Variants in ALK observed in about 807,000 individuals in gnomAD.
The protein encoded by ALK is ALK tyrosine kinase receptor.
A neutral mutation model predicts 163.1 loss-of-function variants in ALK; 74 were observed. The observed-to-expected ratio is 0.45, with a 90% confidence interval of 0.38 to 0.55. The LOEUF is 0.55. Among genes scored for constraint, ALK ranks in the 20% least tolerant of loss-of-function variants. The probability of loss-of-function intolerance (pLI) is 0.00; values close to 1 mark genes in which losing one functional copy is unlikely to be tolerated. For synonymous variants in ALK, 960 were observed against 843.2 expected, an observed-to-expected ratio of 1.14 and a Z score of -2.40; for missense variants, 2,063 against 2,105.3, an observed-to-expected ratio of 0.98 and a Z score of 0.39.
Position 29,227,489 on chromosome 2 carries a change from G to T in ALK, c.2914+85C>A, listed in dbSNP as rs1664040313. 8.4e-7 allele frequency: 1 copy of T among 1,195,434 alleles called. No individual in the cohort carries two copies. The highest frequency in any genetic ancestry group is 1.3e-6 in the Non-Finnish European group (1 of 798,266). 74.1% of individuals were successfully genotyped at this position (1,195,434 alleles called of 1,614,324 possible). On this transcript the variant is annotated intron_variant, in intron 17 of 28. Transcript: ENST00000389048. This position sits in a 1 kb window ranked among gnomAD's most constrained non-coding sequence, Gnocchi z 4.4. Reference sequence around the variant, plus strand: ...CCCATAATTGTGCCTCTGTATCCTGGATACAGGTCAGAGACTCTGAGGTTT... The same window carrying T: ...CCCATAATTGTGCCTCTGTATCCTGTATACAGGTCAGAGACTCTGAGGTTT...
intron 5 of ALK, among the ~76,000 whole-genome samples, chr2:29,367,942 T>C (rs1340994865): frequency 6.6e-6 from 1 of 152,264 alleles, no homozygotes; most frequent in African/African-American, 2.4e-5. Context: ...CTCAATTTCC[T>C]ACTCAGCTTT....
intron 3 of ALK, among the ~76,000 whole-genome samples, chr2:29,611,773 T>C (rs1227878075): frequency 6.6e-6 from 1 of 152,114 alleles, no homozygotes; most frequent in Non-Finnish European, 1.5e-5. Context: ...TCGCTCTATC[T>C]CTCTGTCTCC....
chr2:29,384,080 C>T (rs1046515834), intron 4 of ALK, among the ~76,000 whole-genome samples: 3 of 152,180 alleles, frequency 2.0e-5, no homozygotes, highest in African/African-American at 7.2e-5. Flanking sequence ...ATCCAATTCA[C>T]GAACCCAGTC....
In ALK at chr2:29,225,522, G is replaced by A. The variant is rs1304972455; in HGVS notation, c.3111C>T (p.Leu1037=). 4.3e-6 allele frequency: 7 copies of A among 1,613,476 alleles called. No homozygotes were observed. In the South Asian group the frequency reaches 7.7e-5, roughly 18 times the overall value. ...PEPHLPLSLI[L]SVVTSALVAA... Reference sequence around the variant, plus strand: ...CCACGAGGGCAGAGGTCACCACAGAGAGGATCAGCGAGAGTGGCAGGTGTG... The same window carrying A: ...CCACGAGGGCAGAGGTCACCACAGAAAGGATCAGCGAGAGTGGCAGGTGTG... Residue 1037 remains leucine, a synonymous_variant, in exon 19 of 29, where the codon CTC becomes CTT. Coordinates refer to ENST00000389048, the MANE Select transcript of ALK (RefSeq NM_004304.5).
chr2:29,193,166 T>A lies in ALK; in HGVS notation c.*58A>T. 1 of 1,568,370 alleles carries A rather than the reference T, an allele frequency of 6.4e-7. No individual in the cohort carries two copies. Among genetic ancestry groups the A allele is most frequent in the Non-Finnish European group, 8.8e-7 (1 of 1,142,696 alleles). ...TCTGGTTTGTGAAGGAGCCATTGCC[T>A]CTCTCTCCTCCACGGTCTTAGGGAT... On this transcript the variant is annotated 3_prime_UTR_variant, in exon 29 of 29. Transcript: ENST00000389048.
At chr2:29,727,236 T>C (rs536642076) in intron 1 of ALK, among the ~76,000 whole-genome samples, 1 of 152,208 alleles carries the variant, frequency 6.6e-6, no homozygotes, top group East Asian at 1.9e-4. Context: ...CAAGGGAAGA[T>C]GCTTAGGGTG....
At chr2:29,581,947 G>A (rs1387734472) in intron 3 of ALK, among the ~76,000 whole-genome samples, 1 of 152,218 alleles carries the variant, frequency 6.6e-6, no homozygotes, top group Non-Finnish European at 1.5e-5. Flanking sequence ...CCTCTGCAGA[G>A]TAGGCTGCAG....
At chr2:29,906,994 T>A (rs1227668942) in intron 1 of ALK, 3 of 134,488 alleles carry the variant, frequency 2.2e-5, no homozygotes, top group Non-Finnish European at 4.7e-5. Flanking sequence ...CTGTCGCCCA[T>A]GCTGGAGTGC....
chr2:29,713,185 G>C (rs1422159241), intron 2 of ALK, among the ~76,000 whole-genome samples: 1 of 152,142 alleles, frequency 6.6e-6, no homozygotes, highest in Non-Finnish European at 1.5e-5. Context: ...CCCTATATGT[G>C]CCTGTGTTTT....
intron 1 of ALK, among the ~76,000 whole-genome samples, chr2:29,788,646 C>T (rs530259911): frequency 2.0e-5 from 3 of 152,280 alleles, no homozygotes; most frequent in South Asian, 4.2e-4. Flanking sequence ...CAAAGAACCT[C>T]AGTAAGACTA....
chr2:29,347,061 T>A (rs1367777903), intron 5 of ALK, among the ~76,000 whole-genome samples: 2 of 152,212 alleles, frequency 1.3e-5, no homozygotes, highest in Non-Finnish European at 2.9e-5. Context: ...CACTCTCCGT[T>A]TTTTGTAGTT....
At chr2:29,534,093 A>G (rs1299424712) in intron 3 of ALK, among the ~76,000 whole-genome samples, 1 of 152,192 alleles carries the variant, frequency 6.6e-6, no homozygotes, top group Non-Finnish European at 1.5e-5. Flanking sequence ...AGGTGTAACC[A>G]GACCACAGAG....
chr2:29,609,949 ACT>A lies in ALK; in HGVS notation c.953-77835_953-77834del, dbSNP rs534033064. ...GAGCCACTGCACCTGGCCTAGATTT[ACT>A]CTCATACAATTTTCCTTAGGTTGAG... On this transcript the variant is annotated intron_variant, in intron 3 of 28. Coordinates refer to ENST00000389048, the MANE Select transcript of ALK (RefSeq NM_004304.5). Among the ~76,000 whole-genome samples, 118 of 151,900 alleles carry A rather than the reference ACT, an allele frequency of 7.8e-4. 1 individual carries two copies. Among genetic ancestry groups the A allele is most frequent in the African/African-American group, 2.6e-3 (106 of 41,424 alleles).
At position 29,831,399 on chromosome 2, in the gene ALK, T is replaced by A. The variant is rs372291126; in HGVS notation, c.667+88594A>T. 1.3e-4 allele frequency among the ~76,000 whole-genome samples: 20 copies of A among 151,804 alleles called. No individual in the cohort carries two copies. The East Asian group carries it at 3.2e-3, about 24-fold the overall frequency. On this transcript the variant is annotated intron_variant, in intron 1 of 28. Transcript: ENST00000389048. ...TCATTAGACTCCTAGGAGTTCTGGA[T>A]ATATATTACACTTTGAGAAGCATGC...
At chr2:29,599,227 A>G (rs1001782751) in intron 3 of ALK, among the ~76,000 whole-genome samples, 36 of 152,176 alleles carry the variant, frequency 2.4e-4, no homozygotes, top group South Asian at 1.5e-3. Context: ...CTAGAGGAGT[A>G]CTATGTAATT....
intron 1 of ALK, among the ~76,000 whole-genome samples, chr2:29,850,144 G>A (rs1665952948): frequency 6.6e-6 from 1 of 152,332 alleles, no homozygotes; most frequent in Admixed American, 6.5e-5. Context: ...ATATCACACA[G>A]CAATGAGGAT....
At position 29,746,389 on chromosome 2, in the gene ALK, T is replaced by C. The variant is rs527557522; in HGVS notation, c.668-28692A>G. 3.3e-5 allele frequency among the ~76,000 whole-genome samples: 5 copies of C among 152,358 alleles called. No homozygotes were observed. The South Asian group carries it at 1.0e-3, about 32-fold the overall frequency. The stretch of plus-strand genomic sequence containing the variant: ...CAAAGGACTGTTTGGACTAGGTCCA[T>C]GCATGCTGGTGACAGGTACCCAAAT... On this transcript the variant is annotated intron_variant, in intron 1 of 28. Transcript: ENST00000389048.
At chr2:29,319,878 A>G (rs1666960833) in intron 7 of ALK, among the ~76,000 whole-genome samples, 1 of 152,246 alleles carries the variant, frequency 6.6e-6, no homozygotes, top group Non-Finnish European at 1.5e-5. Flanking sequence ...ACAAATAAGC[A>G]TTGGAGGGTC....
chr2:29,722,926 T>C (rs2148311598), intron 1 of ALK, among the ~76,000 whole-genome samples: 1 of 152,266 alleles, frequency 6.6e-6, no homozygotes, highest in Admixed American at 6.5e-5. Flanking sequence ...CTTAACTTCT[T>C]CCTTTTATTC....
Sources: gnomAD v4.1 joint callset for allele counts (sites outside exome capture counted in the v4.1 genomes callset) on GRCh38, gnomAD v4.1.1 for gene constraint, Gnocchi (gnomAD v3.1) non-coding constraint, MANE v1.5 for transcripts, NCBI Gene and HGNC (gene_info 2026-07-23, HGNC 2026-07-21) for gene names.